STEAP3: variants seen among roughly 807,000 people sequenced by gnomAD.
STEAP3 encodes the protein metalloreductase STEAP3.
Under a neutral mutation model 34.9 loss-of-function variants are expected in STEAP3, and 35 were observed. The ratio of observed to expected loss-of-function variants is 1.00; its 90% CI spans 0.76 to 1.33. The LOEUF (loss-of-function observed/expected upper bound fraction) is 1.33, where lower values mean the gene tolerates loss of function less well. STEAP3 is among the 40% of genes most tolerant of loss of function. The pLI is 0.00. For synonymous variants in STEAP3, 281 were observed against 301.6 expected, an observed-to-expected ratio of 0.93 and a Z score of 0.71; for missense variants, 652 against 667.6, an observed-to-expected ratio of 0.98 and a Z score of 0.26.
At chr2:119,240,018 G>A (rs555369749) in intron 2 of STEAP3, among the ~76,000 whole-genome samples, 23 of 151,176 alleles carry the variant, frequency 1.5e-4, no homozygotes, top group Non-Finnish European at 2.8e-4. Flanking sequence ...TTACTGACCA[G>A]ACAAAAAAAA....
At chr2:119,243,096 C>T (rs945115917) in intron 2 of STEAP3, among the ~76,000 whole-genome samples, 10 of 152,198 alleles carry the variant, frequency 6.6e-5, no homozygotes, top group African/African-American at 2.2e-4. Flanking sequence ...TCTGTGGACT[C>T]GGAAAGCATG....
intron 5 of STEAP3, among the ~76,000 whole-genome samples, chr2:119,259,529 G>A (rs1182783043): frequency 3.3e-5 from 5 of 152,222 alleles, no homozygotes; most frequent in Non-Finnish European, 7.3e-5. Flanking sequence ...CTGCACCATG[G>A]GATTTTGAAT....
chr2:119,254,729 C>A lies in STEAP3; in HGVS notation c.1096C>A (p.Arg366=), dbSNP rs370856649. 5 of 1,613,964 alleles carry A rather than the reference C, an allele frequency of 3.1e-6. No homozygotes were observed. The highest frequency in any genetic ancestry group is 1.1e-5 in the South Asian group (1 of 91,062). The change falls in exon 5 of 6, where the codon CGG becomes AGG. Residue 366 remains arginine (R), a synonymous_variant. Transcript: ENST00000393110. ...CCTCTGGGTGGAGGAGGAGGTCTGG[C>A]GGATGGAGATCTACCTCTCCCTGGG... ...SHLWVEEEVW[R]MEIYLSLGVL...
intron 5 of STEAP3, among the ~76,000 whole-genome samples, chr2:119,258,497 G>A (rs1677840552): frequency 6.6e-6 from 1 of 151,594 alleles, no homozygotes; most frequent in South Asian, 2.1e-4. Flanking sequence ...CATTGAAACA[G>A]TGTATTGATT....
At chr2:119,231,273 G>A (rs528246197) in intron 2 of STEAP3, among the ~76,000 whole-genome samples, 1 of 152,200 alleles carries the variant, frequency 6.6e-6, no homozygotes, top group East Asian at 1.9e-4. Flanking sequence ...TTGGAGGAAA[G>A]GGAGTCCAGG....
intron 2 of STEAP3, among the ~76,000 whole-genome samples, chr2:119,237,449 C>T (rs1677124192): frequency 6.6e-6 from 1 of 152,200 alleles, no homozygotes; most frequent in Non-Finnish European, 1.5e-5. Flanking sequence ...AGGGAACTTA[C>T]TTGCTCCTCT....
chr2:119,243,925 G>A (rs1049247058), intron 2 of STEAP3, among the ~76,000 whole-genome samples: 5 of 152,170 alleles, frequency 3.3e-5, no homozygotes, highest in Non-Finnish European at 5.9e-5. Flanking sequence ...AGAGGCAGAC[G>A]CCCATGGAGG....
intron 2 of STEAP3, among the ~76,000 whole-genome samples, chr2:119,237,736 C>CT: frequency 6.6e-6 from 1 of 152,326 alleles, no homozygotes; most frequent in South Asian, 2.1e-4. Context: ...TAGGTAACAA[C>CT]TTTTTAAATA....
At chr2:119,253,805 A>G (rs377724318) in intron 4 of STEAP3, among the ~76,000 whole-genome samples, 2 of 151,580 alleles carry the variant, frequency 1.3e-5, no homozygotes, top group East Asian at 1.9e-4. Context: ...TCCCCAATTT[A>G]TATGTCCTGG....
intron 5 of STEAP3, chr2:119,257,658 T>A (rs1301433692): frequency 2.4e-5 from 35 of 1,444,008 alleles, no homozygotes; most frequent in Non-Finnish European, 3.2e-5. Context: ...GCAGGATGCG[T>A]GCAGCCAACA....
chr2:119,244,217 TTTATTATTA>T (rs145661549), intron 2 of STEAP3, among the ~76,000 whole-genome samples: 14,979 of 143,676 alleles, frequency 0.1, 814 homozygotes, highest in African/African-American at 0.13. Flanking sequence ...TATTTTTACT[TTTATTATTA>T]TTATTATTAT....
intron 4 of STEAP3, among the ~76,000 whole-genome samples, chr2:119,250,517 G>A (rs555911309): frequency 2.6e-5 from 4 of 152,320 alleles, no homozygotes; most frequent in African/African-American, 9.6e-5. Context: ...AGGAGGCTCT[G>A]CGGGGCTCCC....
At position 119,245,657 on chromosome 2, in the gene STEAP3, T is replaced by C. The variant is rs1172882786; in HGVS notation, c.191T>C (p.Val64Ala). 2 of 1,612,116 alleles carry C rather than the reference T, an allele frequency of 1.2e-6. No homozygotes were observed. The highest frequency in any genetic ancestry group is 1.7e-6 in the Non-Finnish European group (2 of 1,178,364). Residue 64 changes from valine (V) to alanine (A), a missense_variant, in exon 3 of 6, where the codon GTG becomes GCG. Val to Ala is a moderately conservative substitution (Grantham distance 64). Coordinates refer to ENST00000393110, the MANE Select transcript of STEAP3 (RefSeq NM_182915.3). ...CGCCTGGTGGGCTCTGGCTTCAAAG[T>C]GGTGGTGGGGAGCCGCAACCCCAAA... ...ATRLVGSGFK[V>A]VVGSRNPKRT...
Position 119,230,998 on chromosome 2 carries a change from C to A in STEAP3, c.-15C>A. On this transcript the variant is annotated 5_prime_UTR_variant, in exon 2 of 6. Coordinates refer to ENST00000393110, the MANE Select transcript of STEAP3 (RefSeq NM_182915.3). ...GTCGAGTGACCTGAGAGCCTCAGAC[C>A]CTCACGTCAGCCGGATGTCGCACCA... 1 of 1,614,202 alleles carries A rather than the reference C, an allele frequency of 6.2e-7. No homozygotes were observed.
At chr2:119,245,368 G>T in intron 2 of STEAP3, 121 bp from the exon 3 acceptor site, 1 of 1,423,164 alleles carries the variant, frequency 7.0e-7, no homozygotes. Flanking sequence ...GGTAGCACTC[G>T]GTGAACACCT....
At chr2:119,255,158 A>G (rs1677740156) in intron 5 of STEAP3, among the ~76,000 whole-genome samples, 1 of 152,054 alleles carries the variant, frequency 6.6e-6, no homozygotes, top group African/African-American at 2.4e-5. Flanking sequence ...TCCAAACAAA[A>G]TTGAATGACA....
At chr2:119,238,977 C>T (rs987106729) in intron 2 of STEAP3, among the ~76,000 whole-genome samples, 6 of 151,910 alleles carry the variant, frequency 3.9e-5, no homozygotes, top group South Asian at 2.1e-4. Flanking sequence ...GAAGTGGGGG[C>T]GGGGGGTGGA....
chr2:119,235,132 C>G (rs1171423558), intron 2 of STEAP3, among the ~76,000 whole-genome samples: 1 of 152,192 alleles, frequency 6.6e-6, no homozygotes, highest in African/African-American at 2.4e-5. Context: ...CTCCTCTCCC[C>G]AGCCTGCAGT....
chr2:119,259,913 C>T (rs1468055464), intron 5 of STEAP3, among the ~76,000 whole-genome samples: 1 of 152,162 alleles, frequency 6.6e-6, no homozygotes, highest in African/African-American at 2.4e-5. Flanking sequence ...CAGAGGGGCC[C>T]GTGTGGACTT....
Sources: gnomAD v4.1 joint callset for allele counts (sites outside exome capture counted in the v4.1 genomes callset) on GRCh38, gnomAD v4.1.1 for gene constraint, MANE v1.5 for transcripts, NCBI Gene and HGNC (gene_info 2026-07-23, HGNC 2026-07-21) for gene names.